LRRTM4: variants seen among roughly 807,000 people sequenced by gnomAD.
LRRTM4 encodes leucine rich repeat transmembrane neuronal 4.
A neutral mutation model predicts 47.6 loss-of-function variants in LRRTM4; 25 were observed. The observed-to-expected ratio is 0.53, with a 90% CI of 0.38 to 0.73. The LOEUF is 0.73. LRRTM4 is among the 30% of genes least tolerant of loss of function. The probability of loss-of-function intolerance (pLI) is 0.00; values close to 1 mark genes in which losing one functional copy is unlikely to be tolerated. For synonymous variants in LRRTM4, 311 were observed against 269.5 expected (o/e 1.15, Z -1.51); for missense variants, 638 against 713.4 (o/e 0.89, Z 1.20).
chr2:77,033,036 T>C (rs1211292705), intron 3 of LRRTM4, among the ~76,000 whole-genome samples: 1 of 152,046 alleles, frequency 6.6e-6, no homozygotes, highest in Non-Finnish European at 1.5e-5. Context: ...GAAAGAAATA[T>C]CTCTCGGGAC....
chr2:76,751,275 T>A (rs1273057301), intron 3 of LRRTM4, among the ~76,000 whole-genome samples: 1 of 152,204 alleles, frequency 6.6e-6, no homozygotes, highest in African/African-American at 2.4e-5. Context: ...TAAATCAATA[T>A]GTAATGCTTT....
intron 3 of LRRTM4, among the ~76,000 whole-genome samples, chr2:77,042,016 A>G (rs930876166): frequency 6.6e-6 from 1 of 151,384 alleles, no homozygotes; most frequent in South Asian, 2.1e-4. Context: ...ACAAATAAAC[A>G]TAACAACCGA....
At chr2:77,078,937 G>A (rs1387980611) in intron 3 of LRRTM4, among the ~76,000 whole-genome samples, 1 of 152,134 alleles carries the variant, frequency 6.6e-6, no homozygotes, top group African/African-American at 2.4e-5. Context: ...CTGGCTCATG[G>A]GTGGCTGTCC....
At chr2:77,379,082 C>T (rs904590174) in intron 3 of LRRTM4, among the ~76,000 whole-genome samples, 7 of 151,970 alleles carry the variant, frequency 4.6e-5, no homozygotes, top group Non-Finnish European at 8.8e-5. Flanking sequence ...TGTTCTGTTT[C>T]AATGATTGTA....
chr2:76,810,134 C>A (rs1418079253), intron 3 of LRRTM4, among the ~76,000 whole-genome samples: 1 of 152,122 alleles, frequency 6.6e-6, no homozygotes, highest in East Asian at 1.9e-4. Context: ...TTTTGTTAAT[C>A]ACTATATTCC....
chr2:77,192,806 T>G (rs748347909), intron 3 of LRRTM4, among the ~76,000 whole-genome samples: 1 of 152,214 alleles, frequency 6.6e-6, no homozygotes, highest in Non-Finnish European at 1.5e-5. Context: ...CACATTTGGG[T>G]AGATTCAGAA....
At chr2:77,083,008 T>C (rs1219063267) in intron 3 of LRRTM4, among the ~76,000 whole-genome samples, 1 of 152,028 alleles carries the variant, frequency 6.6e-6, no homozygotes, top group Admixed American at 6.5e-5. Context: ...GTTTTCTTGT[T>C]TTATCAATTT....
intron 3 of LRRTM4, among the ~76,000 whole-genome samples, chr2:77,197,132 T>C (rs1236887587): frequency 6.6e-6 from 1 of 152,162 alleles, no homozygotes; most frequent in Non-Finnish European, 1.5e-5. Context: ...GTCATACAAA[T>C]AGTAGGCATT....
chr2:77,272,305 A>C (rs538445446), intron 3 of LRRTM4, among the ~76,000 whole-genome samples: 1 of 152,278 alleles, frequency 6.6e-6, no homozygotes, highest in East Asian at 1.9e-4. Flanking sequence ...TGAACAATAG[A>C]AAGATGTTAT....
At chr2:77,461,373 T>C (rs1039150986) in intron 3 of LRRTM4, among the ~76,000 whole-genome samples, 3 of 152,102 alleles carry the variant, frequency 2.0e-5, no homozygotes, top group African/African-American at 7.2e-5. Flanking sequence ...TATTTGAATT[T>C]CCCTGGCTTT....
intron 3 of LRRTM4, among the ~76,000 whole-genome samples, chr2:76,809,620 C>G (rs561755726): frequency 6.6e-6 from 1 of 152,134 alleles, no homozygotes; most frequent in African/African-American, 2.4e-5. Flanking sequence ...CCTCCCCTAC[C>G]TTTGGTTAAA....
chr2:77,095,299 C>T (rs2103897744), intron 3 of LRRTM4, among the ~76,000 whole-genome samples: 1 of 152,080 alleles, frequency 6.6e-6, no homozygotes, highest in South Asian at 2.1e-4. Flanking sequence ...TGTATCTTCT[C>T]GTTGAGAATG....
chr2:77,123,913 A>C (rs548302297), intron 3 of LRRTM4, among the ~76,000 whole-genome samples: 34 of 152,188 alleles, frequency 2.2e-4, no homozygotes, highest in African/African-American at 7.9e-4. Flanking sequence ...AAAATATCAC[A>C]CTTTACATGC....
intron 3 of LRRTM4, among the ~76,000 whole-genome samples, chr2:76,787,354 CTT>C (rs775785192): frequency 6.6e-6 from 1 of 152,016 alleles, no homozygotes; most frequent in African/African-American, 2.4e-5. Flanking sequence ...ATTTTCATCT[CTT>C]TTCTTTTTAT....
intron 3 of LRRTM4, among the ~76,000 whole-genome samples, chr2:76,994,359 T>C (rs1034018090): frequency 1.3e-5 from 2 of 151,918 alleles, no homozygotes; most frequent in Non-Finnish European, 2.9e-5. Context: ...TCCCCCAAGC[T>C]GTGTTTCTAT....
chr2:76,962,556 T>C (rs907242085), intron 3 of LRRTM4, among the ~76,000 whole-genome samples: 8 of 150,846 alleles, frequency 5.3e-5, no homozygotes, highest in African/African-American at 7.3e-5. Context: ...AGCTGAACTT[T>C]TGTGGTGAAG....
chr2:76,751,264 T>C (rs895692330), intron 3 of LRRTM4, among the ~76,000 whole-genome samples: 3 of 152,186 alleles, frequency 2.0e-5, no homozygotes, highest in African/African-American at 7.2e-5. Flanking sequence ...AGTTGGAAAA[T>C]TAAATCAATA....
chr2:77,163,073 C>A (rs548089799), intron 3 of LRRTM4, among the ~76,000 whole-genome samples: 32 of 152,098 alleles, frequency 2.1e-4, no homozygotes, highest in African/African-American at 5.8e-4. Flanking sequence ...GAAGTTAAAA[C>A]CCTTGAAAAA....
intron 3 of LRRTM4, among the ~76,000 whole-genome samples, chr2:77,220,621 T>A (rs1674591935): frequency 6.6e-6 from 1 of 151,954 alleles, no homozygotes; most frequent in African/African-American, 2.4e-5. Flanking sequence ...GAAGATGAAA[T>A]GAATGAAATG....
Sources: allele counts gnomAD v4.1 joint callset (sites outside exome capture counted in the v4.1 genomes callset), GRCh38; gene constraint gnomAD v4.1.1; transcripts MANE v1.5; gene names NCBI Gene and HGNC (gene_info 2026-07-23, HGNC 2026-07-21).